Variants in MGMT observed in about 807,000 individuals in gnomAD.
MGMT encodes the protein methylated-DNA--protein-cysteine methyltransferase.
A neutral mutation model predicts 15.9 loss-of-function variants in MGMT; 14 were observed. The observed-to-expected ratio is 0.88, with a 90% CI of 0.58 to 1.37. The LOEUF (loss-of-function observed/expected upper bound fraction) is 1.37. MGMT is among the 40% of genes most tolerant of loss of function. The probability of loss-of-function intolerance (pLI) is 0.00; values close to 1 mark genes in which losing one functional copy is unlikely to be tolerated. For missense variants in MGMT, 282 were observed against 268.1 expected, an observed-to-expected ratio of 1.05 and a Z score of -0.36; for synonymous variants, 130 against 118.2, an observed-to-expected ratio of 1.10 and a Z score of -0.65.
chr10:129,754,547 A>G (rs1848784096), intron 3 of MGMT, among the ~76,000 whole-genome samples: 1 of 152,014 alleles, frequency 6.6e-6, no homozygotes, highest in South Asian at 2.1e-4. Flanking sequence ...ATGATTCCTC[A>G]CTCGCCCTGA....
intron 2 of MGMT, among the ~76,000 whole-genome samples, chr10:129,595,029 G>T (rs557397283): frequency 6.6e-6 from 1 of 152,338 alleles, no homozygotes; most frequent in East Asian, 1.9e-4. Context: ...GTCTCTCGGG[G>T]CCTTCCTTCA....
chr10:129,586,780 G>T (rs768977206), intron 2 of MGMT, among the ~76,000 whole-genome samples: 10 of 152,150 alleles, frequency 6.6e-5, no homozygotes, highest in South Asian at 2.1e-4. Context: ...TGGGTGTTTA[G>T]CATTTTAAAA....
At chr10:129,642,648 CCTT>C (rs1400660686) in intron 2 of MGMT, among the ~76,000 whole-genome samples, 2 of 152,166 alleles carry the variant, frequency 1.3e-5, no homozygotes, top group Non-Finnish European at 2.9e-5. Context: ...AACTGACTGT[CCTT>C]CTTACTAAAT....
intron 2 of MGMT, among the ~76,000 whole-genome samples, chr10:129,578,322 G>A (rs188770509): frequency 0.027 from 4,075 of 152,186 alleles, 91 homozygotes; most frequent in South Asian, 0.065. Flanking sequence ...AGAAAATGTG[G>A]CACATATACA....
intron 1 of MGMT, among the ~76,000 whole-genome samples, chr10:129,514,536 C>G (rs1195573208): frequency 6.6e-6 from 1 of 152,206 alleles, no homozygotes; most frequent in African/African-American, 2.4e-5. Context: ...CTAGTTCAGT[C>G]TGATTCCTTC....
At chr10:129,672,248 T>C (rs1386436882) in intron 2 of MGMT, among the ~76,000 whole-genome samples, 1 of 152,226 alleles carries the variant, frequency 6.6e-6, no homozygotes, top group Non-Finnish European at 1.5e-5. Flanking sequence ...TCTTCAGGCT[T>C]CCATCATTCT....
At position 129,602,010 on chromosome 10, in the gene MGMT, G is replaced by A. The variant is rs531840815; in HGVS notation, c.125+65633G>A. Reference sequence around the variant, plus strand: ...AGGCTCTGCTGAGCCTTTGACTGGCGACAGTTGCAGATGTCACATCATGCG... The same window carrying A: ...AGGCTCTGCTGAGCCTTTGACTGGCAACAGTTGCAGATGTCACATCATGCG... On this transcript the variant is annotated intron_variant, in intron 2 of 4. Transcript: ENST00000651593. Among the ~76,000 whole-genome samples the A allele has an allele frequency of 2.3e-3, 354 of 152,244 alleles. 1 individual carries two copies. Among genetic ancestry groups the A allele is most frequent in the African/African-American group, 8.1e-3 (336 of 41,540 alleles).
In MGMT at chr10:129,766,925, C is replaced by G; in HGVS notation, c.552C>G (p.Ser184Arg). The change falls in exon 5 of 5, where the codon AGC becomes AGG. Residue 184 changes from serine to arginine, a missense_variant. Ser to Arg is a moderately radical substitution (Grantham distance 110, BLOSUM62 -1). Transcript: ENST00000651593. ...TGGGGAAGCCAGGCTTGGGAGGGAG[C>G]TCAGGTCTGGCAGGGGCCTGGCTCA... ...HRLGKPGLGG[S>R]SGLAGAWLKG... The G allele has an allele frequency of 1.9e-6, 3 of 1,613,358 alleles. No individual in the cohort carries two copies. Among genetic ancestry groups the G allele is most frequent in the Non-Finnish European group, 2.5e-6 (3 of 1,179,990 alleles).
chr10:129,487,982 CACACACACACACACATAGGTAT>C (rs1376798950), intron 1 of MGMT, among the ~76,000 whole-genome samples: 33 of 127,684 alleles, frequency 2.6e-4, no homozygotes, highest in Admixed American at 1.7e-3. Context: ...CGCAGGTATA[CACACACACACACACATAGGTAT>C]ACACACACAC....
At chr10:129,713,551 C>T (rs1008911580) in intron 3 of MGMT, among the ~76,000 whole-genome samples, 3 of 152,106 alleles carry the variant, frequency 2.0e-5, no homozygotes, top group African/African-American at 7.2e-5. Flanking sequence ...GTACCGGGGC[C>T]GCCACCAGGA....
intron 2 of MGMT, among the ~76,000 whole-genome samples, chr10:129,597,383 T>G (rs1191093463): frequency 6.6e-6 from 1 of 152,146 alleles, no homozygotes; most frequent in African/African-American, 2.4e-5. Flanking sequence ...CAAAACATGC[T>G]GAGTTCCATT....
chr10:129,564,233 TCC>T (rs1846316567), intron 2 of MGMT: 8 of 63,186 alleles, frequency 1.3e-4, no homozygotes, highest in South Asian at 9.9e-4. Flanking sequence ...CCCTTCCCCC[TCC>T]TCTTCCCCCT....
At position 129,698,241 on chromosome 10, in the gene MGMT, C is replaced by T. The variant is rs937676115; in HGVS notation, c.126-9654C>T. Among the ~76,000 whole-genome samples the T allele has an allele frequency of 5.9e-5, 9 of 152,294 alleles. No individual in the cohort carries two copies. The South Asian group carries it at 1.9e-3, about 32-fold the overall frequency. ...CAGGGCAGGCGGTTGCTACTCTGGG[C>T]TGTGTGCGTCATAGCGTTTGCATGA... On this transcript the variant is annotated intron_variant, in intron 2 of 4. Coordinates refer to ENST00000651593, the MANE Select transcript of MGMT (RefSeq NM_002412.5).
At chr10:129,592,916 C>T (rs1221690611) in intron 2 of MGMT, among the ~76,000 whole-genome samples, 1 of 151,834 alleles carries the variant, frequency 6.6e-6, no homozygotes, top group African/African-American at 2.4e-5. Context: ...GCTTTCATTT[C>T]AAACACAGTA....
chr10:129,682,703 C>A (rs1638438634), intron 2 of MGMT, among the ~76,000 whole-genome samples: 1 of 152,158 alleles, frequency 6.6e-6, no homozygotes, highest in African/African-American at 2.4e-5. Flanking sequence ...TGTATTGTAT[C>A]AATGCCAGCT....
At chr10:129,592,944 C>G (rs1846705595) in intron 2 of MGMT, among the ~76,000 whole-genome samples, 1 of 152,054 alleles carries the variant, frequency 6.6e-6, no homozygotes, top group South Asian at 2.1e-4. Context: ...AAATAACTTG[C>G]ATGAGGAAAA....
chr10:129,754,814 G>A (rs1024549017), intron 3 of MGMT, among the ~76,000 whole-genome samples: 5 of 152,200 alleles, frequency 3.3e-5, no homozygotes, highest in Non-Finnish European at 7.3e-5. Context: ...TGAGGGAGGG[G>A]CCCTCATGAC....
At chr10:129,515,005 A>G (rs1166571897) in intron 1 of MGMT, among the ~76,000 whole-genome samples, 1 of 152,192 alleles carries the variant, frequency 6.6e-6, no homozygotes, top group Non-Finnish European at 1.5e-5. Flanking sequence ...ATTGGGGGTC[A>G]TTGGACTCTA....
rs1427186553 is a variant in MGMT, at chr10:129,770,819, GTCT to G, written c.*3827_*3829del. Among the ~76,000 whole-genome samples the G allele has an allele frequency of 1.3e-5, 2 of 152,176 alleles. No homozygotes were observed. Among genetic ancestry groups the G allele is most frequent in the Admixed American group, 1.3e-4 (2 of 15,284 alleles). On this transcript the variant is annotated 3_prime_UTR_variant, in exon 5 of 5. Transcript: ENST00000651593. ...TCGGGCCTCCCCTGTTTGTCTGCAT[GTCT>G]TCTTGTTGCCATCGGGGCAGTGGAG...
Sources: gnomAD v4.1 joint callset for allele counts (sites outside exome capture counted in the v4.1 genomes callset) on GRCh38, gnomAD v4.1.1 for gene constraint, MANE v1.5 for transcripts, NCBI Gene and HGNC (gene_info 2026-07-23, HGNC 2026-07-21) for gene names.